The following WDR7 variants were observed in gnomAD, a reference collection of about 807,000 sequenced individuals.
WDR7 encodes the protein WD repeat domain 7.
In WDR7, 46 loss-of-function variants were observed where a neutral mutation model predicts 169.4. The observed-to-expected ratio is 0.27, with a 90% confidence interval of 0.21 to 0.35. The LOEUF (loss-of-function observed/expected upper bound fraction) is 0.35, where lower values mean the gene tolerates loss of function less well. Ranked by LOEUF, WDR7 falls within the 10% of genes least tolerant of loss-of-function variation. The probability of loss-of-function intolerance (pLI) is 1.00; values close to 1 mark genes in which losing one functional copy is unlikely to be tolerated. For synonymous variants in WDR7, 612 were observed against 666.8 expected (o/e 0.92, Z 1.27); for missense variants, 1,534 against 1,859.3 (o/e 0.83, Z 3.22).
intron 26 of WDR7, among the ~76,000 whole-genome samples, chr18:57,020,235 A>G (rs934436011): frequency 1.2e-4 from 19 of 152,246 alleles, no homozygotes; most frequent in Non-Finnish European, 2.6e-4. Context: ...ATTTAAATAC[A>G]GTGTTATTGG....
chr18:57,032,803 A>ATT (rs1164657513), downstream of WDR7: 79 of 8,236 alleles, frequency 9.6e-3, no homozygotes, highest in African/African-American at 0.056. Flanking sequence ...TAATTATTTT[A>ATT]TATATATATA....
At chr18:57,023,126 C>G (rs1244495644) in intron 27 of WDR7, among the ~76,000 whole-genome samples, 1 of 152,216 alleles carries the variant, frequency 6.6e-6, no homozygotes, top group African/African-American at 2.4e-5. Context: ...AAAACAAGTC[C>G]TTTCAGCTTT....
At chr18:56,891,699 C>G (rs1180205224) in intron 21 of WDR7, among the ~76,000 whole-genome samples, 1 of 152,014 alleles carries the variant, frequency 6.6e-6, no homozygotes, top group Non-Finnish European at 1.5e-5. Flanking sequence ...GCATTTTTCC[C>G]CCAAAGCTCA....
intron 26 of WDR7, among the ~76,000 whole-genome samples, chr18:56,969,697 A>G (rs1173901613): frequency 6.6e-6 from 1 of 152,238 alleles, no homozygotes; most frequent in Non-Finnish European, 1.5e-5. Flanking sequence ...TAATGCTTCT[A>G]TTGAAATTAA....
chr18:56,688,293 G>T (rs1343834409), intron 7 of WDR7, among the ~76,000 whole-genome samples: 1 of 152,130 alleles, frequency 6.6e-6, no homozygotes, highest in Non-Finnish European at 1.5e-5. Context: ...GACTAGGGAA[G>T]CAGCACCTTA....
chr18:56,981,859 T>G (rs1323636697), intron 26 of WDR7, among the ~76,000 whole-genome samples: 2 of 152,160 alleles, frequency 1.3e-5, no homozygotes, highest in Non-Finnish European at 2.9e-5. Context: ...AGAGTTTTGC[T>G]TTTTAAGATG....
At chr18:56,799,602 C>T (rs2044640114) in intron 19 of WDR7, among the ~76,000 whole-genome samples, 1 of 152,012 alleles carries the variant, frequency 6.6e-6, no homozygotes. Flanking sequence ...TGGTATGTAC[C>T]ACGCACAGTT....
chr18:56,705,481 A>G (rs902078040), intron 12 of WDR7, among the ~76,000 whole-genome samples: 17 of 152,068 alleles, frequency 1.1e-4, no homozygotes, highest in Admixed American at 1.1e-3. Context: ...TATATATGAT[A>G]TTTGAATATA....
rs901924698 is a variant in WDR7 at position 56,757,223 on chromosome 18, A to G, written c.2630A>G (p.Lys877Arg). The change falls in exon 15 of 28, where the codon AAG (lysine) becomes AGG (arginine). Residue 877 changes from lysine (K) to arginine (R), a missense_variant. Coordinates refer to ENST00000254442, the MANE Select transcript of WDR7 (RefSeq NM_015285.3). ...CTGCCAGCGTCTGAGGGAGTAGGAA[A>G]GGGAACTTACGGAGTGTCCCGTGCC... ...RKLPASEGVGKGTYGVSRAVT... is the reference protein window; with the variant it reads ...RKLPASEGVGRGTYGVSRAVT... The G allele has an allele frequency of 3.1e-6, 5 of 1,614,138 alleles. No individual in the cohort carries two copies. The highest frequency in any genetic ancestry group is 2.2e-5 in the East Asian group (1 of 44,886).
At chr18:56,907,146 G>T (rs1027532307) in intron 21 of WDR7, among the ~76,000 whole-genome samples, 4 of 152,150 alleles carry the variant, frequency 2.6e-5, no homozygotes, top group African/African-American at 9.7e-5. Context: ...CAAAATAGCT[G>T]GGGTGACCAT....
chr18:56,811,506 A>T (rs1387761553), intron 19 of WDR7, among the ~76,000 whole-genome samples: 1 of 152,142 alleles, frequency 6.6e-6, no homozygotes, highest in Non-Finnish European at 1.5e-5. Flanking sequence ...AATGAAGCCC[A>T]CTTTGCCAAT....
intron 19 of WDR7, among the ~76,000 whole-genome samples, chr18:56,791,416 C>G (rs532472104): frequency 6.6e-6 from 1 of 152,056 alleles, no homozygotes; most frequent in Non-Finnish European, 1.5e-5. Flanking sequence ...TTTTATATAT[C>G]TTTATATCTT....
chr18:57,005,139 C>T (rs560153874), intron 26 of WDR7, among the ~76,000 whole-genome samples: 15 of 152,208 alleles, frequency 9.9e-5, no homozygotes, highest in African/African-American at 3.1e-4. Context: ...CCACTAATCT[C>T]AATTGACTGT....
At chr18:56,809,097 C>T (rs1341404342) in intron 19 of WDR7, among the ~76,000 whole-genome samples, 8 of 152,022 alleles carry the variant, frequency 5.3e-5, no homozygotes, top group Non-Finnish European at 1.2e-4. Context: ...CCATTTTCCT[C>T]CTGATGCATG....
At chr18:56,782,131 A>T (rs2044326342) in intron 19 of WDR7, 1 of 152,284 alleles carries the variant, frequency 6.6e-6, no homozygotes, top group African/African-American at 2.4e-5. Flanking sequence ...AAGGATTTTG[A>T]TGGATAAATC....
At chr18:56,876,691 T>G (rs1222057822) in intron 20 of WDR7, among the ~76,000 whole-genome samples, 1 of 152,138 alleles carries the variant, frequency 6.6e-6, no homozygotes, top group African/African-American at 2.4e-5. Flanking sequence ...AATGCATGTA[T>G]TAAATACGTG....
At chr18:56,915,687 C>A (rs543348276) in intron 21 of WDR7, among the ~76,000 whole-genome samples, 2 of 152,134 alleles carry the variant, frequency 1.3e-5, no homozygotes, top group Non-Finnish European at 2.9e-5. Context: ...AGCAGTAATA[C>A]TCATGAATTA....
chr18:56,815,829 C>G (rs1360723714), intron 19 of WDR7, among the ~76,000 whole-genome samples: 2 of 152,130 alleles, frequency 1.3e-5, no homozygotes, highest in East Asian at 3.8e-4. Flanking sequence ...ACAGTACATA[C>G]CCATGTACAT....
At chr18:56,867,030 T>C (rs1160029801) in intron 20 of WDR7, among the ~76,000 whole-genome samples, 2 of 151,996 alleles carry the variant, frequency 1.3e-5, no homozygotes, top group African/African-American at 4.8e-5. Flanking sequence ...TATTTATTTA[T>C]TTATTTATTT....
Sources: gnomAD v4.1 joint callset for allele counts (sites outside exome capture counted in the v4.1 genomes callset) on GRCh38, gnomAD v4.1.1 for gene constraint, MANE v1.5 for transcripts, NCBI Gene and HGNC (gene_info 2026-07-23, HGNC 2026-07-21) for gene names.